Variants in PHF2 observed in about 807,000 individuals in gnomAD.
The protein encoded by PHF2 is lysine-specific demethylase PHF2.
In PHF2, 27 loss-of-function variants were observed where a neutral mutation model predicts 120.5. The ratio of observed to expected loss-of-function variants is 0.22; its 90% CI spans 0.17 to 0.31. PHF2 has a LOEUF of 0.31. Among genes scored for constraint, PHF2 ranks in the 10% least tolerant of loss-of-function variants. The probability of loss-of-function intolerance (pLI) is 1.00; values close to 1 mark genes in which losing one functional copy is unlikely to be tolerated. For synonymous variants in PHF2, 568 were observed against 592.5 expected (o/e 0.96, Z 0.60); for missense variants, 1,024 against 1,434.8 (o/e 0.71, Z 4.63).
intron 1 of PHF2, among the ~76,000 whole-genome samples, chr9:93,601,856 G>C (rs1275133555): frequency 2.0e-5 from 3 of 151,894 alleles, no homozygotes; most frequent in Non-Finnish European, 2.9e-5. Flanking sequence ...GAGGCTTGTG[G>C]CTTGTGGAAA....
chr9:93,664,770 G>A (rs932651489), intron 14 of PHF2, among the ~76,000 whole-genome samples: 2 of 152,240 alleles, frequency 1.3e-5, no homozygotes, highest in African/African-American at 4.8e-5. Flanking sequence ...CATTCACTCT[G>A]TGACGGTGCT....
rs370135051 is a variant in PHF2, at chr9:93,610,758, GC to G, written c.99-19206del. 4.1e-3 allele frequency among the ~76,000 whole-genome samples: 618 copies of G among 152,182 alleles called. 3 individuals are homozygous for G. Among genetic ancestry groups the G allele is most frequent in the African/African-American group, 0.014 (588 of 41,510 alleles). The stretch of plus-strand genomic sequence containing the variant: ...TCACCTGGAGTATCTGTATATGCTT[GC>G]CCCCCTGCTTCCTATTTGGAGAAAT... On this transcript the variant is annotated intron_variant, in intron 1 of 21. Transcript: ENST00000359246.
At position 93,649,117 on chromosome 9, in the gene PHF2, C is replaced by A; in HGVS notation, c.507C>A (p.Asp169Glu). ...VDVTDVTKQK[D>E]CKMKLKEFVD... is the part of the protein sequence containing the mutation. ...TGACAGATGTCACCAAGCAGAAGGA[C>A]TGCAAGATGAAGCTGAAGGAGTTTG... is the stretch of plus-strand genomic sequence containing the variant. The change falls in exon 5 of 22, where the codon GAC becomes GAA. Residue 169 changes from aspartate (D) to glutamate (E), a missense_variant. By Grantham distance (45) the Asp-to-Glu change is conservative. Around this residue, in one of 2 missense-constraint regions of PHF2, gnomAD observed 347 missense variants for 577.4 expected, o/e 0.60. Coordinates refer to ENST00000359246, the MANE Select transcript of PHF2 (RefSeq NM_005392.4). 6.4e-7 allele frequency: 1 copy of A among 1,551,328 alleles called. No individual in the cohort carries two copies. The highest frequency in any genetic ancestry group is 8.7e-7 in the Non-Finnish European group (1 of 1,146,964).
intron 1 of PHF2, among the ~76,000 whole-genome samples, chr9:93,621,688 G>A (rs1016316484): frequency 2.0e-5 from 3 of 152,302 alleles, no homozygotes; most frequent in South Asian, 4.1e-4. Flanking sequence ...GGCCGTGCAC[G>A]TTCTTGTGAC....
At position 93,677,040 on chromosome 9, in the gene PHF2, C is replaced by T. The variant is rs925728735; in HGVS notation, c.3202+77C>T. The T allele has an allele frequency of 2.0e-5, 29 of 1,421,854 alleles. No homozygotes were observed. Among genetic ancestry groups the T allele is most frequent in the Middle Eastern group, 2.1e-4 (1 of 4,722 alleles). The allele number at this position is 1,421,854 out of a possible 1,614,324, so 88.1% of individuals were successfully genotyped here. A position where few individuals can be genotyped will look rare whatever the true frequency, so the allele number is the denominator to read the frequency against. On this transcript the variant is annotated intron_variant, in intron 21 of 21. Coordinates refer to ENST00000359246, the MANE Select transcript of PHF2 (RefSeq NM_005392.4). The surrounding 1 kb of genome is among the most constrained non-coding windows in gnomAD (Gnocchi z 4.4). ...ATGGGCAGCCCCAGACATGCAGACT[C>T]GGCCCATGGTAGAGGGCAGCACATT... is the stretch of plus-strand genomic sequence containing the variant.
chr9:93,603,661 C>CA (rs1046555669), intron 1 of PHF2, among the ~76,000 whole-genome samples: 1 of 152,174 alleles, frequency 6.6e-6, no homozygotes, highest in Admixed American at 6.5e-5. Flanking sequence ...AATCTGCTGT[C>CA]AGGACATGCT....
chr9:93,667,066 C>T lies in PHF2; in HGVS notation c.2188-14C>T, dbSNP rs770941781. The T allele has an allele frequency of 6.2e-7, 1 of 1,607,894 alleles. No homozygotes were observed. Among genetic ancestry groups the T allele is most frequent in the Non-Finnish European group, 8.5e-7 (1 of 1,177,654 alleles). The stretch of plus-strand genomic sequence containing the variant: ...GACCCTCCCCTGACCGAAGCCCTGT[C>T]CCTCGCGCAGCAGAGTGATGACTCC... On this transcript the variant is annotated splice_polypyrimidine_tract_variant and intron_variant, in intron 16 of 21. Coordinates refer to ENST00000359246, the MANE Select transcript of PHF2 (RefSeq NM_005392.4).
chr9:93,666,174 C>A, intron 16 of PHF2, 114 bp downstream of exon 16: 3 of 1,046,250 alleles, frequency 2.9e-6, no homozygotes, highest in South Asian at 1.4e-5. Context: ...CATGAGATGG[C>A]AAAGGGGCCC....
At position 93,653,380 on chromosome 9, in the gene PHF2, T is replaced by G; in HGVS notation, c.789+15T>G. 6.2e-7 allele frequency: 1 copy of G among 1,611,360 alleles called. No homozygotes were observed. Among genetic ancestry groups the G allele is most frequent in the South Asian group, 1.1e-5 (1 of 91,002 alleles). On this transcript the variant is annotated intron_variant, in intron 6 of 21. Transcript: ENST00000359246. ...ACGTGCTCAAGGTGAGCCACGCCCC[T>G]CGGGGCACCTCTGCCTTGCCATGGC...
chr9:93,653,475 G>C, intron 6 of PHF2, 110 bp downstream of exon 6: 1 of 1,156,246 alleles, frequency 8.6e-7, no homozygotes, highest in Admixed American at 2.0e-5. Flanking sequence ...CTCCCCAGAG[G>C]GCCCCTGGAC....
Position 93,645,625 on chromosome 9 carries a change from G to A in PHF2, c.300-4G>A. ...TGTGGCCTCTGACCTGTGCTTCCCT[G>A]CAGTGCTGAAGACGTGGTGGCCCGT... On this transcript the variant is annotated splice_region_variant and splice_polypyrimidine_tract_variant and intron_variant, in intron 3 of 21. Coordinates refer to ENST00000359246, the MANE Select transcript of PHF2 (RefSeq NM_005392.4). 1 of 1,586,804 alleles carries A rather than the reference G, an allele frequency of 6.3e-7. No homozygotes were observed. The highest frequency in any genetic ancestry group is 8.6e-7 in the Non-Finnish European group (1 of 1,163,930).
At chr9:93,674,205 G>C (rs62573998) in intron 18 of PHF2, among the ~76,000 whole-genome samples, 4,961 of 152,166 alleles carry the variant, frequency 0.033, 131 homozygotes, top group Middle Eastern at 0.068. Context: ...TCCTCGACAG[G>C]CCCCGGAGGT....
intron 1 of PHF2, among the ~76,000 whole-genome samples, chr9:93,613,446 A>G (rs2989753): frequency 0.31 from 47,259 of 151,906 alleles, 8,128 homozygotes; most frequent in South Asian, 0.6. Context: ...AGGGTTGGCC[A>G]AGGGCCCTAA....
rs140853124 is a variant in PHF2, at chr9:93,609,721, G to A, written c.99-20249G>A. On this transcript the variant is annotated intron_variant, in intron 1 of 21. Coordinates refer to ENST00000359246, the MANE Select transcript of PHF2 (RefSeq NM_005392.4). ...CTTTTTTATTTTCTTATTTTTTTTC[G>A]AGATGGAGTCTTGCTTTGTCACCCA... Among the ~76,000 whole-genome samples the A allele has an allele frequency of 8.8e-4, 133 of 150,796 alleles. 1 individual carries two copies. Among genetic ancestry groups the A allele is most frequent in the Admixed American group, 1.4e-3 (21 of 15,166 alleles).
intron 2 of PHF2, among the ~76,000 whole-genome samples, chr9:93,634,244 C>G (rs1452397940): frequency 1.3e-5 from 2 of 152,146 alleles, no homozygotes; most frequent in East Asian, 3.8e-4. Flanking sequence ...CCACACCTCC[C>G]CAGGTAGTAG....
chr9:93,580,011 A>G (rs553427405), intron 1 of PHF2, among the ~76,000 whole-genome samples: 4 of 152,290 alleles, frequency 2.6e-5, no homozygotes, highest in African/African-American at 9.6e-5. Context: ...GTTGTGTTCT[A>G]TCCTTGGGGT....
At chr9:93,623,420 A>G (rs1180406556) in intron 1 of PHF2, among the ~76,000 whole-genome samples, 3 of 152,184 alleles carry the variant, frequency 2.0e-5, no homozygotes, top group African/African-American at 7.2e-5. Context: ...GACGTTTTCT[A>G]GCCCTGTCCT....
rs78954488 is a variant in PHF2, at chr9:93,663,965, C to T, written c.1937+330C>T. Among the ~76,000 whole-genome samples, 952 of 152,356 alleles carry T rather than the reference C, an allele frequency of 6.2e-3. 11 individuals carry two copies. The highest frequency in any genetic ancestry group is 0.021 in the African/African-American group (888 of 41,580). ...AGAGCCACATCCCTGCCTCCCACCA[C>T]GCTCCACCTGTAGTGTGGGTGTGAG... On this transcript the variant is annotated intron_variant, in intron 14 of 21. Coordinates refer to ENST00000359246, the MANE Select transcript of PHF2 (RefSeq NM_005392.4).
chr9:93,671,262 G>C (rs140884734), intron 17 of PHF2: 1 of 905,714 alleles, frequency 1.1e-6, no homozygotes, highest in African/African-American at 1.8e-5. Context: ...ATGCAGGTGC[G>C]GGTGTGGGAG....
Sources: allele counts gnomAD v4.1 joint callset (sites outside exome capture counted in the v4.1 genomes callset), GRCh38; gene constraint gnomAD v4.1.1; regional missense constraint gnomAD v4.1.1; non-coding constraint Gnocchi (gnomAD v3.1); transcripts MANE v1.5; gene names NCBI Gene and HGNC (gene_info 2026-07-23, HGNC 2026-07-21).